PUS7L: variants seen among roughly 807,000 people sequenced by gnomAD.
The protein encoded by PUS7L is pseudouridine synthase 7 like, also known as pseudouridylate synthase PUS7L.
In PUS7L, 49 loss-of-function variants were observed where a neutral mutation model predicts 51.1. The ratio of observed to expected loss-of-function variants is 0.96; its 90% CI spans 0.76 to 1.22. The LOEUF is 1.22. Ranked by LOEUF, PUS7L falls within the 50% of genes most tolerant of loss-of-function variation. PUS7L has a pLI of 0.00. For missense variants in PUS7L, 828 were observed against 820.6 expected (o/e 1.01, Z -0.11); for synonymous variants, 277 against 276.2 (o/e 1.00, Z -0.03).
At chr12:43,731,682 T>C (rs763335116) in intron 8 of PUS7L, 23 bp downstream of exon 8, 7 of 1,400,602 alleles carry the variant, frequency 5.0e-6, no homozygotes, top group South Asian at 1.2e-5. Flanking sequence ...ATCTAAGTGA[T>C]AGTAATTTTT....
In PUS7L at chr12:43,742,784, C is replaced by G. The variant is rs1973138; in HGVS notation, c.1264-229G>C. The G allele has an allele frequency of 1.0e-2, 3,296 of 330,894 alleles. 111 individuals are homozygous for G. Among genetic ancestry groups the G allele is most frequent in the African/African-American group, 0.07 (3,108 of 44,584 alleles). 20.5% of individuals were successfully genotyped at this position (330,894 alleles called of 1,614,324 possible). A position where few individuals can be genotyped will look rare whatever the true frequency, so the allele number is the denominator to read the frequency against. On this transcript the variant is annotated intron_variant, in intron 4 of 8. Coordinates refer to ENST00000344862, the MANE Select transcript of PUS7L (RefSeq NM_031292.5). The stretch of plus-strand genomic sequence containing the variant: ...ACCAATGAAGAAAACTTTAAAAATA[C>G]GTCAGCTTTCCATTCATGTTACTGA...
chr12:43,758,740 T>C lies in PUS7L; in HGVS notation c.-27A>G, dbSNP rs1225559126. The stretch of plus-strand genomic sequence containing the variant: ...CTCGACCCCGTCTACCTCGGTTCAG[T>C]GGAAGGCATTCATTTGCACAACGCT... On this transcript the variant is annotated 5_prime_UTR_variant, in exon 1 of 9. Transcript: ENST00000344862. 1.0e-5 allele frequency: 10 copies of C among 973,886 alleles called. No individual in the cohort carries two copies. Among genetic ancestry groups the C allele is most frequent in the Non-Finnish European group, 1.2e-5 (10 of 827,618 alleles). The allele number at this position is 973,886 out of a possible 1,614,324, so 60.3% of individuals were successfully genotyped here.
At position 43,730,665 on chromosome 12, in the gene PUS7L, G is replaced by A. The variant is rs751809286; in HGVS notation, c.1817C>T (p.Pro606Leu). ...LPVLGYNIQY[P>L]KNKVGQWYHD... ...GTACCACTGCCCTACTTTGTTCTTCGGGTACTGAATATTGTATCCAAGTAC... is the reference window on the plus strand; with the variant it reads ...GTACCACTGCCCTACTTTGTTCTTCAGGTACTGAATATTGTATCCAAGTAC... The change falls in exon 9 of 9, where the codon CCG becomes CTG. Residue 606 changes from proline to leucine, a missense_variant. Physicochemically the swap from Pro to Leu is moderately conservative, Grantham distance 98 (BLOSUM62 -3). Transcript: ENST00000344862. The A allele has an allele frequency of 5.6e-6, 9 of 1,612,602 alleles. No individual in the cohort carries two copies. The highest frequency in any genetic ancestry group is 3.3e-5 in the Admixed American group (2 of 59,952).
Position 43,754,384 on chromosome 12 carries a change from C to G in PUS7L, c.862G>C (p.Gly288Arg). The change falls in exon 2 of 9, where the codon GGG (glycine) becomes CGG (arginine). Residue 288 changes from glycine (G) to arginine (R), a missense_variant. By Grantham distance (125) the Gly-to-Arg change is moderately radical (BLOSUM62 -2). Coordinates refer to ENST00000344862, the MANE Select transcript of PUS7L (RefSeq NM_031292.5). ...VRFREKAHKR[G>R]KRPLSECQEG... Reference sequence around the variant, plus strand: ...TGGCATTCAGAAAGAGGCCTTTTCCCACGTTTGTGTGCTTTTTCCCGAAAT... The same window carrying G: ...TGGCATTCAGAAAGAGGCCTTTTCCGACGTTTGTGTGCTTTTTCCCGAAAT... The G allele has an allele frequency of 1.9e-6, 3 of 1,609,228 alleles. No homozygotes were observed. Among genetic ancestry groups the G allele is most frequent in the Middle Eastern group, 1.7e-4 (1 of 6,018 alleles).
rs1419751397 is a variant in PUS7L, at chr12:43,722,035, G to A, written c.*8341C>T. ...GTTTAGACTTGGGTCCCAACTCTAA[G>A]AGTATCTCATTATACATGTACAAAT... On this transcript the variant is annotated 3_prime_UTR_variant, in exon 9 of 9. Transcript: ENST00000344862. 6.6e-6 allele frequency: 1 copy of A among 152,104 alleles called. No individual in the cohort carries two copies. Among genetic ancestry groups the A allele is most frequent in the African/African-American group, 2.4e-5 (1 of 41,434 alleles). The allele number at this position is 152,104 out of a possible 1,614,324, so 9.4% of individuals were successfully genotyped here. A position where few individuals can be genotyped will look rare whatever the true frequency, so the allele number is the denominator to read the frequency against.
Position 43,736,644 on chromosome 12 carries a change from G to A in PUS7L, c.1462C>T (p.Leu488Phe). The change falls in exon 7 of 9, where the codon CTT (leucine) becomes TTT (phenylalanine). Residue 488 changes from leucine to phenylalanine, a missense_variant. Transcript: ENST00000344862. ...FLQTEDAKGT[L>F]SLMPEFKVRE... Reference sequence around the variant, plus strand: ...ACTTTGAATTCAGGCATCAATGAAAGTGTGCCTTTAGCATCCTCTGAAACA... The same window carrying A: ...ACTTTGAATTCAGGCATCAATGAAAATGTGCCTTTAGCATCCTCTGAAACA... The A allele has an allele frequency of 6.2e-7, 1 of 1,613,774 alleles. No homozygotes were observed. The highest frequency in any genetic ancestry group is 8.5e-7 in the Non-Finnish European group (1 of 1,179,764).
intron 8 of PUS7L, among the ~76,000 whole-genome samples, chr12:43,731,335 A>G (rs1944548900): frequency 6.6e-6 from 1 of 152,190 alleles, no homozygotes; most frequent in Non-Finnish European, 1.5e-5. Flanking sequence ...AAGATGCCAG[A>G]CACAAAAGGC....
Position 43,748,478 on chromosome 12 carries a change from T to C in PUS7L, c.1042A>G (p.Met348Val), listed in dbSNP as rs35007242. ...KDKKAITYQAMVVRKVTPERL... is the reference protein window; with the variant it reads ...KDKKAITYQAVVVRKVTPERL... ...TCTGGAGTCACTTTTCTAACAACCA[T>C]TGCTTGATAGGTGATGGCTTTCTTG... Residue 348 changes from methionine (M) to valine (V), a missense_variant, in exon 3 of 9, where the codon ATG (methionine) becomes GTG (valine). Physicochemically the swap from Met to Val is conservative, Grantham distance 21. Transcript: ENST00000344862. The C allele has an allele frequency of 1.0e-4, 160 of 1,600,050 alleles. No homozygotes were observed. The highest frequency in any genetic ancestry group is 2.7e-4 in the Admixed American group (15 of 55,724).
chr12:43,748,075 C>T (rs1938256423), intron 3 of PUS7L, among the ~76,000 whole-genome samples: 1 of 152,238 alleles, frequency 6.6e-6, no homozygotes, highest in South Asian at 2.1e-4. Context: ...AGGCGTAAGC[C>T]ACCGTGCCCA....
In PUS7L at chr12:43,724,010, T is replaced by C. The variant is rs1298821505; in HGVS notation, c.*6366A>G. ...TTCAGTGTTTTTAACCGCAAAATAA[T>C]ACACAAATATACTCATGTTTGAAAT... On this transcript the variant is annotated 3_prime_UTR_variant, in exon 9 of 9. Coordinates refer to ENST00000344862, the MANE Select transcript of PUS7L (RefSeq NM_031292.5). 6.6e-6 allele frequency: 1 copy of C among 152,044 alleles called. No homozygotes were observed. The highest frequency in any genetic ancestry group is 1.9e-4 in the East Asian group (1 of 5,200). The allele number at this position is 152,044 out of a possible 1,614,324, so 9.4% of individuals were successfully genotyped here.
In PUS7L at chr12:43,754,510, G is replaced by A. The variant is rs776298448; in HGVS notation, c.736C>T (p.His246Tyr). The change falls in exon 2 of 9, where the codon CAC (histidine) becomes TAC (tyrosine). Residue 246 changes from histidine to tyrosine, a missense_variant. His to Tyr is a moderately conservative substitution (Grantham distance 83). Coordinates refer to ENST00000344862, the MANE Select transcript of PUS7L (RefSeq NM_031292.5). ...CCAAACTTTTTGTTGACAAAATGGT[G>A]GACAGCTTTTCTGTGGTCTTTGTTT... The part of the protein sequence containing the change: ...DTNKDHRKAV[H>Y]HFVNKKFGNL... The A allele has an allele frequency of 1.9e-6, 3 of 1,613,594 alleles. No individual in the cohort carries two copies. Among genetic ancestry groups the A allele is most frequent in the Non-Finnish European group, 2.5e-6 (3 of 1,179,766 alleles).
rs1174654068 is a variant in PUS7L, at chr12:43,748,430, A to C, written c.1070+20T>G. 6.5e-7 allele frequency: 1 copy of C among 1,549,510 alleles called. No individual in the cohort carries two copies. The highest frequency in any genetic ancestry group is 8.7e-7 in the Non-Finnish European group (1 of 1,149,860). On this transcript the variant is annotated intron_variant, in intron 3 of 8. Transcript: ENST00000344862. Reference sequence around the variant, plus strand: ...CACTTCTCAAAGTTTCTATCCTAAAATTTCTTAATATCTTATTACCTCTCT... The same window carrying C: ...CACTTCTCAAAGTTTCTATCCTAAACTTTCTTAATATCTTATTACCTCTCT...
rs1052819782 is a variant in PUS7L at position 43,738,370 on chromosome 12, G to C, written c.1384C>G (p.Leu462Val). The C allele has an allele frequency of 2.0e-5, 31 of 1,586,814 alleles. No individual in the cohort carries two copies. The highest frequency in any genetic ancestry group is 2.6e-5 in the Non-Finnish European group (30 of 1,157,004). ...GGATCATCCAAGTCTTCTGGTGTAA[G>C]AAACAATTTTATGGCTTTCATCTTA... is the stretch of plus-strand genomic sequence containing the variant. ...NEMMKAIKLF[L>V]TPEDLDDPVN... Residue 462 changes from leucine to valine, a missense_variant, in exon 6 of 9, where the codon CTT becomes GTT. Coordinates refer to ENST00000344862, the MANE Select transcript of PUS7L (RefSeq NM_031292.5).
At chr12:43,736,766 A>T in intron 6 of PUS7L, 105 bp from the exon 7 acceptor site, 1 of 988,704 alleles carries the variant, frequency 1.0e-6, no homozygotes, top group South Asian at 1.6e-5. Flanking sequence ...ATGGGTATTA[A>T]GATGATATTC....
chr12:43,728,994 C>T lies in PUS7L; in HGVS notation c.*1382G>A, dbSNP rs1488382517. On this transcript the variant is annotated 3_prime_UTR_variant, in exon 9 of 9. Coordinates refer to ENST00000344862, the MANE Select transcript of PUS7L (RefSeq NM_031292.5). ...TCTGTGCTTTTAATCACTATGCTAA[C>T]ATGTCTCTTATTTGTGAAAGATGAA... The T allele has an allele frequency of 5.6e-6, 2 of 356,286 alleles. No homozygotes were observed. Among genetic ancestry groups the T allele is most frequent in the Non-Finnish European group, 5.0e-6 (1 of 198,748 alleles). 22.1% of individuals were successfully genotyped at this position (356,286 alleles called of 1,614,324 possible).
At chr12:43,734,174 C>G (rs1944628076) in intron 7 of PUS7L, among the ~76,000 whole-genome samples, 1 of 152,146 alleles carries the variant, frequency 6.6e-6, no homozygotes, top group African/African-American at 2.4e-5. Context: ...ATGATCCAGG[C>G]CAGGCCATTC....
In PUS7L at chr12:43,719,245, A is replaced by C. The variant is rs996860092; in HGVS notation, c.*11131T>G. On this transcript the variant is annotated 3_prime_UTR_variant, in exon 9 of 9. Coordinates refer to ENST00000344862, the MANE Select transcript of PUS7L (RefSeq NM_031292.5). ...GAAACAGTATTGAGTAAAACAAGGA[A>C]GACACAAACACAGATATGTACAATT... 1 of 152,204 alleles carries C rather than the reference A, an allele frequency of 6.6e-6. No individual in the cohort carries two copies. Among genetic ancestry groups the C allele is most frequent in the Admixed American group, 6.5e-5 (1 of 15,276 alleles). The allele number at this position is 152,204 out of a possible 1,614,324, so 9.4% of individuals were successfully genotyped here.
At chr12:43,737,938 T>C (rs1242706683) in intron 6 of PUS7L, 1 of 187,594 alleles carries the variant, frequency 5.3e-6, no homozygotes, top group South Asian at 9.9e-5. Context: ...ATGTGTAAAG[T>C]TTGGAATATC....
intron 5 of PUS7L, among the ~76,000 whole-genome samples, chr12:43,742,059 C>T (rs991081053): frequency 6.6e-6 from 1 of 152,066 alleles, no homozygotes; most frequent in Non-Finnish European, 1.5e-5. Context: ...TCATTTTGAA[C>T]TAGTCAGATT....
Sources: gnomAD v4.1 joint callset for allele counts (sites outside exome capture counted in the v4.1 genomes callset) on GRCh38, gnomAD v4.1.1 for gene constraint, MANE v1.5 for transcripts, NCBI Gene and HGNC (gene_info 2026-07-23, HGNC 2026-07-21) for gene names.